ATG4A: variants seen among roughly 807,000 people sequenced by gnomAD.
ATG4A encodes autophagy related 4A cysteine peptidase.
Under a neutral mutation model 38.4 loss-of-function variants are expected in ATG4A, and 22 were observed. That is an observed-to-expected ratio of 0.57 (90% CI 0.41 to 0.82). ATG4A has a LOEUF of 0.82. Ranked by LOEUF, ATG4A falls within the 40% of genes least tolerant of loss-of-function variation. ATG4A has a pLI of 0.00. For missense variants in ATG4A, 220 were observed against 290.0 expected (o/e 0.76, Z 1.75); for synonymous variants, 86 against 100.7 (o/e 0.85, Z 0.88).
chrX:108,091,324 G>C, upstream of ATG4A: 1 of 911,641 alleles, frequency 1.1e-6, no homozygotes, highest in Non-Finnish European at 1.6e-6. Context: ...TCAGAAACGG[G>C]GCCTCCGCTA....
At chrX:108,092,966 TTTTA>T in intron 1 of ATG4A, among the ~76,000 whole-genome samples, 1 of 112,096 alleles carries the variant, frequency 8.9e-6, no homozygotes, top group Admixed American at 9.4e-5. Context: ...TTATTTTTAT[TTTTA>T]TTTAATTTTT....
chrX:108,124,165 T>A (rs2032735945), intron 1 of ATG4A, among the ~76,000 whole-genome samples: 1 of 112,138 alleles, frequency 8.9e-6, no homozygotes, highest in African/African-American at 3.2e-5. Flanking sequence ...ACCTGGATAA[T>A]CATTTTTAGC....
chrX:108,091,019 C>A (rs781706842), upstream of ATG4A, among the ~76,000 whole-genome samples: 16 of 113,089 alleles, frequency 1.4e-4, no homozygotes, highest in Non-Finnish European at 3.0e-4. Context: ...CCACCGTATC[C>A]CCAGCTCCTA....
chrX:108,112,510 G>C (rs1266003986), intron 1 of ATG4A, among the ~76,000 whole-genome samples: 1 of 109,715 alleles, frequency 9.1e-6, no homozygotes, highest in East Asian at 2.9e-4. Flanking sequence ...TCCTGCCTCA[G>C]CCTCCTCAGT....
At chrX:108,138,813 G>C (rs1569310635) in intron 9 of ATG4A, among the ~76,000 whole-genome samples, 1 of 111,994 alleles carries the variant, frequency 8.9e-6, no homozygotes, top group Non-Finnish European at 1.9e-5. Flanking sequence ...GCTTTAGCAT[G>C]CACATGAATC....
At chrX:108,141,058 G>GTATATATA (rs2033256590) in intron 9 of ATG4A, among the ~76,000 whole-genome samples, 4 of 30,567 alleles carry the variant, frequency 1.3e-4, no homozygotes, top group Non-Finnish European at 1.8e-4. Flanking sequence ...ACATATATAC[G>GTATATATA]TGTATATATA....
At chrX:108,151,657 G>C in intron 10 of ATG4A, 145 bp from the exon 11 acceptor site, 1 of 519,159 alleles carries the variant, frequency 1.9e-6, no homozygotes, top group East Asian at 3.3e-5. Flanking sequence ...TGAGTTAGGA[G>C]AGAGAGAAGC....
intron 1 of ATG4A, among the ~76,000 whole-genome samples, chrX:108,116,485 G>A (rs5973842): frequency 0.5 from 55,288 of 110,197 alleles, 10,890 homozygotes; most frequent in African/African-American, 0.69. Flanking sequence ...TGTGAGACAG[G>A]GAACCTCCAT....
upstream of ATG4A, chrX:108,091,600 C>G (rs1015010818): frequency 1.0e-6 from 1 of 993,786 alleles, no homozygotes; most frequent in Non-Finnish European, 1.4e-6. Flanking sequence ...GTCAAAACAG[C>G]CGTTAGAGCT....
At position 108,153,794 on chromosome X, in the gene ATG4A, C is replaced by A; in HGVS notation, c.*82C>A. 1.3e-6 allele frequency: 1 copy of A among 749,671 alleles called. No homozygotes were observed. 61.8% of individuals were successfully genotyped at this position (749,671 alleles called of 1,213,427 possible). ...ACTTATTGCATAAAACTTTTCTAGT[C>A]AGCAAGTGCCTGATATGCCAATAGC... On this transcript the variant is annotated 3_prime_UTR_variant, in exon 13 of 13. Transcript: ENST00000372232.
At chrX:108,124,451 C>CT (rs908611999) in intron 1 of ATG4A, among the ~76,000 whole-genome samples, 4 of 108,411 alleles carry the variant, frequency 3.7e-5, no homozygotes, top group African/African-American at 6.7e-5. Flanking sequence ...TTTTCTTTTT[C>CT]TTTTTTTTTC....
At chrX:108,141,060 G>GTATA (rs1569311688) in intron 9 of ATG4A, among the ~76,000 whole-genome samples, 1 of 30,030 alleles carries the variant, frequency 3.3e-5, no homozygotes. Context: ...ATATATACGT[G>GTATA]TATATATATA....
At chrX:108,111,244 A>G (rs2032347536) in intron 1 of ATG4A, among the ~76,000 whole-genome samples, 1 of 112,105 alleles carries the variant, frequency 8.9e-6, no homozygotes, top group South Asian at 3.7e-4. Flanking sequence ...TCAACTATAA[A>G]GTAAAGATTC....
upstream of ATG4A, among the ~76,000 whole-genome samples, chrX:108,089,830 T>C (rs2031547061): frequency 9.0e-6 from 1 of 111,508 alleles, no homozygotes; most frequent in Non-Finnish European, 1.9e-5. Flanking sequence ...CGAAACTCTG[T>C]TTCAAAAAAT....
intron 9 of ATG4A, among the ~76,000 whole-genome samples, chrX:108,140,959 T>A: frequency 1.1e-5 from 1 of 89,347 alleles, no homozygotes; most frequent in South Asian, 4.8e-4. Flanking sequence ...CATATATACA[T>A]ATATACACAT....
upstream of ATG4A, chrX:108,091,713 T>TGCC: frequency 9.5e-7 from 1 of 1,055,793 alleles, no homozygotes; most frequent in South Asian, 1.9e-5. Flanking sequence ...GCGCCTTTGC[T>TGCC]GCCCTCACAG....
chrX:108,103,064 C>T (rs1305353304), intron 1 of ATG4A, among the ~76,000 whole-genome samples: 1 of 110,886 alleles, frequency 9.0e-6, no homozygotes, highest in African/African-American at 3.3e-5. Flanking sequence ...TCAGCTCCCA[C>T]TTATAAGTGA....
At chrX:108,145,705 A>T (rs561174847) in intron 9 of ATG4A, among the ~76,000 whole-genome samples, 4 of 111,970 alleles carry the variant, frequency 3.6e-5, no homozygotes, top group African/African-American at 1.3e-4. Context: ...CTATTTTCCT[A>T]GGTAGAGGAA....
intron 1 of ATG4A, among the ~76,000 whole-genome samples, chrX:108,094,085 AT>A (rs1005903410): frequency 2.8e-5 from 3 of 108,290 alleles, no homozygotes; most frequent in African/African-American, 6.7e-5. Context: ...TCAATTTATC[AT>A]TTTTTTTTCT....
Sources: allele counts gnomAD v4.1 joint callset (sites outside exome capture counted in the v4.1 genomes callset), GRCh38; gene constraint gnomAD v4.1.1; transcripts MANE v1.5; gene names NCBI Gene and HGNC (gene_info 2026-07-23, HGNC 2026-07-21).